Variants in ZNF185 observed in about 807,000 individuals in gnomAD.
ZNF185 encodes the protein zinc finger protein 185.
A neutral mutation model predicts 58.6 loss-of-function variants in ZNF185; 56 were observed. That is an observed-to-expected ratio of 0.95 (90% CI 0.77 to 1.19). ZNF185 has a LOEUF of 1.19. Among genes scored for constraint, ZNF185 ranks in the 50% most tolerant of loss-of-function variants. The pLI, the probability that ZNF185 is intolerant of heterozygous loss-of-function variation, is 0.00. For missense variants in ZNF185, 627 were observed against 573.5 expected (o/e 1.09, Z -0.95); for synonymous variants, 230 against 215.9 (o/e 1.07, Z -0.57).
chrX:152,925,752 T>C (rs1490399259), intron 11 of ZNF185, among the ~76,000 whole-genome samples: 3 of 111,998 alleles, frequency 2.7e-5, no homozygotes, highest in Non-Finnish European at 5.6e-5. Context: ...TGAGGAACAA[T>C]GACTCAATCA....
In ZNF185 at chrX:152,970,262, T is replaced by A. The variant is rs781811717; in HGVS notation, c.1975-181T>A. Among the ~76,000 whole-genome samples the A allele has an allele frequency of 5.4e-5, 6 of 111,329 alleles. No individual in the cohort carries two copies. In the South Asian group the frequency reaches 2.3e-3, roughly 43 times the overall value. ...CTCCCTACTGAAAAAAAAGGCTTTTTTTTGTATTATTTTGTGATGTTTTTT... is the reference window on the plus strand; with the variant it reads ...CTCCCTACTGAAAAAAAAGGCTTTTATTTGTATTATTTTGTGATGTTTTTT... On this transcript the variant is annotated intron_variant, in intron 21 of 22. Coordinates refer to ENST00000449285, the Ensembl canonical transcript of ZNF185.
At chrX:152,972,903 G>A (rs1556920792) in exon 23 of ZNF185, 4 of 111,896 alleles carry the variant, frequency 3.6e-5, no homozygotes, top group Admixed American at 9.5e-5. Context: ...AAATGTCTAC[G>A]TCTTTCTCCA....
chrX:152,972,849 A>G (rs1348496058), exon 23 of ZNF185: 3 of 111,937 alleles, frequency 2.7e-5, no homozygotes, highest in African/African-American at 6.5e-5. Flanking sequence ...ACCTTAGAGT[A>G]TTTCTGATAC....
intron 15 of ZNF185, among the ~76,000 whole-genome samples, chrX:152,938,808 T>C (rs1361995878): frequency 1.1e-5 from 1 of 92,046 alleles, no homozygotes; most frequent in Non-Finnish European, 2.3e-5. Context: ...CTGGGAAGGA[T>C]AGTGCTCCGA....
At position 152,945,293 on chromosome X, in the gene ZNF185, AT is replaced by A. The variant is rs1417950857; in HGVS notation, c.1239del (p.Asp413GlufsTer60). ...GCCTTGGCTGATTATGAGGGGAAGG[AT>A]GTGGCCACCAGGGTCGGAGAGGCCT... On this transcript the variant is annotated frameshift_variant, in exon 16 of 23. Transcript: ENST00000449285. LOFTEE classifies it high-confidence loss of function. 8.3e-7 allele frequency: 1 copy of A among 1,208,416 alleles called. No homozygotes were observed. The highest frequency in any genetic ancestry group is 1.1e-6 in the Non-Finnish European group (1 of 894,288).
At chrX:152,967,907 A>G (rs1199886484) in intron 20 of ZNF185, among the ~76,000 whole-genome samples, 1 of 112,127 alleles carries the variant, frequency 8.9e-6, no homozygotes, top group Non-Finnish European at 1.9e-5. Context: ...CAGTAAGCAA[A>G]TACGGCAGAC....
At chrX:152,920,344 G>A (rs782610042) in exon 8 of ZNF185, 22 of 1,210,767 alleles carry the variant, frequency 1.8e-5, no homozygotes, top group Non-Finnish European at 2.2e-5. Flanking sequence ...GGCTGCAAGC[G>A]GTGTTCTGAG....
intron 2 of ZNF185, 56 bp from the exon 4 acceptor site, chrX:152,915,082 A>C: frequency 1.7e-6 from 2 of 1,164,464 alleles, no homozygotes. Flanking sequence ...AGGCCACAGG[A>C]TGGCAGGTGA....
intron 16 of ZNF185, among the ~76,000 whole-genome samples, chrX:152,950,629 C>T (rs1286858620): frequency 9.0e-6 from 1 of 111,435 alleles, no homozygotes; most frequent in Non-Finnish European, 1.9e-5. Context: ...TTAAATAAGA[C>T]TAATTAGTTT....
intron 15 of ZNF185, among the ~76,000 whole-genome samples, chrX:152,943,501 G>A (rs1226743177): frequency 1.8e-5 from 2 of 112,357 alleles, no homozygotes; most frequent in Non-Finnish European, 3.8e-5. Flanking sequence ...CTTCCAGGAA[G>A]TTCATGAGGA....
intron 11 of ZNF185, among the ~76,000 whole-genome samples, chrX:152,925,085 G>A (rs1309459408): frequency 8.9e-6 from 1 of 112,404 alleles, no homozygotes; most frequent in Non-Finnish European, 1.9e-5. Flanking sequence ...TTGAAGCCAG[G>A]AGTTTGAGAC....
intron 17 of ZNF185, among the ~76,000 whole-genome samples, chrX:152,961,793 C>T (rs1472409273): frequency 1.8e-5 from 2 of 112,549 alleles, no homozygotes; most frequent in Admixed American, 9.4e-5. Context: ...CTCACACCAA[C>T]TCAAGGAGGT....
In ZNF185 at chrX:152,937,735, A is replaced by G. The variant is rs782038972; in HGVS notation, c.1122-339A>G. Among the ~76,000 whole-genome samples the G allele has an allele frequency of 7.6e-4, 86 of 112,640 alleles. 2 individuals are homozygous for G. The highest frequency in any genetic ancestry group is 9.4e-5 in the Non-Finnish European group (5 of 53,328). On this transcript the variant is annotated intron_variant, in intron 14 of 22. Transcript: ENST00000449285. ...GTGCACCAGACTCATTGAGTCATGC[A>G]GGCCTGGATATCCCCCTCTGCCTAT... is the stretch of plus-strand genomic sequence containing the variant.
At chrX:152,937,789 T>C (rs1361172120) in intron 14 of ZNF185, among the ~76,000 whole-genome samples, 1 of 112,120 alleles carries the variant, frequency 8.9e-6, no homozygotes. Context: ...CCAGGTACCT[T>C]ACAGGATACT....
intron 15 of ZNF185, among the ~76,000 whole-genome samples, chrX:152,938,899 T>C (rs2046763847): frequency 1.2e-5 from 1 of 83,033 alleles, no homozygotes; most frequent in African/African-American, 6.0e-5. Context: ...ACTCAGGCGA[T>C]CTCCTCTAAA....
intron 17 of ZNF185, among the ~76,000 whole-genome samples, 179 bp from the exon 20 acceptor site, chrX:152,963,660 A>G (rs2049792892): frequency 8.9e-6 from 1 of 112,092 alleles, no homozygotes. Flanking sequence ...GTGACCTGGG[A>G]CATGTCTCAA....
intron 14 of ZNF185, 93 bp from the exon 17 acceptor site, chrX:152,937,981 C>A (rs1378314182): frequency 1.2e-6 from 1 of 851,239 alleles, no homozygotes; most frequent in South Asian, 2.4e-5. Context: ...ACAGTTCCTC[C>A]CTTTCTGGTG....
exon 21 of ZNF185, chrX:152,969,467 C>T (rs1353669128): frequency 4.2e-6 from 5 of 1,203,893 alleles, no homozygotes; most frequent in Admixed American, 4.4e-5. Context: ...TATCTGCTGC[C>T]ATGAATATTG....
intron 11 of ZNF185, among the ~76,000 whole-genome samples, chrX:152,925,809 G>C (rs1940754564): frequency 8.9e-6 from 1 of 112,228 alleles, no homozygotes; most frequent in South Asian, 3.7e-4. Flanking sequence ...TTGTGGCAGA[G>C]TGGAAGAGGA....
Sources: allele counts gnomAD v4.1 joint callset (sites outside exome capture counted in the v4.1 genomes callset), GRCh38; gene constraint gnomAD v4.1.1; transcripts MANE v1.5; gene names NCBI Gene and HGNC (gene_info 2026-07-23, HGNC 2026-07-21).